The following ATL2 variants were observed in gnomAD, a reference collection of about 807,000 sequenced individuals.
The protein encoded by ATL2 is atlastin GTPase 2.
In ATL2, 31 loss-of-function variants were observed where a neutral mutation model predicts 73.9. The observed-to-expected ratio is 0.42, with a 90% confidence interval of 0.32 to 0.57. The LOEUF (loss-of-function observed/expected upper bound fraction) is 0.57. Among genes scored for constraint, ATL2 ranks in the 20% least tolerant of loss-of-function variants. The pLI, the probability that ATL2 is intolerant of heterozygous loss-of-function variation, is 0.14. For missense variants in ATL2, 738 were observed against 702.6 expected, an observed-to-expected ratio of 1.05 and a Z score of -0.57; for synonymous variants, 291 against 237.5, an observed-to-expected ratio of 1.23 and a Z score of -2.07.
chr2:38,371,486 G>T (rs1671685814), intron 1 of ATL2, among the ~76,000 whole-genome samples: 1 of 151,978 alleles, frequency 6.6e-6, no homozygotes, highest in African/African-American at 2.4e-5. Context: ...TGGCAACAGG[G>T]CAAGACCTCG....
intron 9 of ATL2, among the ~76,000 whole-genome samples, chr2:38,304,868 A>G (rs911615593): frequency 6.6e-6 from 1 of 152,218 alleles, no homozygotes; most frequent in Non-Finnish European, 1.5e-5. Context: ...GGCAGGTAGG[A>G]AGACCACAAA....
chr2:38,351,490 T>C (rs199778227), intron 1 of ATL2, among the ~76,000 whole-genome samples: 1 of 147,654 alleles, frequency 6.8e-6, no homozygotes, highest in Non-Finnish European at 1.5e-5. Context: ...TACATATATA[T>C]ATTTAATTTT....
intron 1 of ATL2, among the ~76,000 whole-genome samples, chr2:38,363,586 A>T (rs543256249): frequency 6.6e-6 from 1 of 152,376 alleles, no homozygotes; most frequent in South Asian, 2.1e-4. Flanking sequence ...ATATTTGCCC[A>T]TCTTTGGCAA....
chr2:38,339,968 G>A (rs562599087), intron 2 of ATL2, among the ~76,000 whole-genome samples: 2 of 152,290 alleles, frequency 1.3e-5, no homozygotes, highest in South Asian at 4.1e-4. Flanking sequence ...TGGGATTACA[G>A]GCGTGAGCCC....
intron 2 of ATL2, among the ~76,000 whole-genome samples, chr2:38,331,305 G>A (rs529549901): frequency 5.9e-5 from 9 of 151,794 alleles, no homozygotes; most frequent in Non-Finnish European, 7.4e-5. Flanking sequence ...GCATGGTGGC[G>A]CACACCTGTA....
chr2:38,376,338 C>CAGTA, intron 1 of ATL2: 1 of 1,025,900 alleles, frequency 9.7e-7, no homozygotes, highest in Admixed American at 3.1e-5. Flanking sequence ...GGTACACGTA[C>CAGTA]AGTAGGAGCT....
At chr2:38,374,150 G>A (rs562298767) in intron 1 of ATL2, among the ~76,000 whole-genome samples, 4 of 152,136 alleles carry the variant, frequency 2.6e-5, no homozygotes, top group South Asian at 4.1e-4. Context: ...CTCGGCCTCC[G>A]AAAAGTGCTG....
chr2:38,351,359 A>C (rs1670325579), intron 1 of ATL2, among the ~76,000 whole-genome samples: 1 of 152,196 alleles, frequency 6.6e-6, no homozygotes, highest in East Asian at 1.9e-4. Context: ...CACTAATTTT[A>C]TTCTGGTGGC....
intron 9 of ATL2, among the ~76,000 whole-genome samples, chr2:38,305,136 T>G (rs539458493): frequency 6.6e-6 from 1 of 152,224 alleles, no homozygotes; most frequent in South Asian, 2.1e-4. Flanking sequence ...CATTATATAA[T>G]GATAAAGGGA....
At chr2:38,328,422 G>C (rs1331669311) in intron 2 of ATL2, among the ~76,000 whole-genome samples, 1 of 152,114 alleles carries the variant, frequency 6.6e-6, no homozygotes, top group African/African-American at 2.4e-5. Context: ...ACCATATCCT[G>C]AGCCTTAAAA....
intron 9 of ATL2, among the ~76,000 whole-genome samples, chr2:38,306,992 G>A (rs1488249892): frequency 6.6e-6 from 1 of 152,128 alleles, no homozygotes; most frequent in East Asian, 1.9e-4. Context: ...CCCATCTCTA[G>A]CCATATACAA....
chr2:38,377,321 C>A (rs938314781), upstream of ATL2: 11 of 1,430,142 alleles, frequency 7.7e-6, no homozygotes, highest in Non-Finnish European at 9.3e-6. Flanking sequence ...CTTTATCAAC[C>A]TCCCGGGAGC....
chr2:38,376,227 G>C (rs1325008131), intron 1 of ATL2: 37 of 1,476,450 alleles, frequency 2.5e-5, no homozygotes, highest in Admixed American at 7.3e-5. Context: ...ACCACAGTGA[G>C]AGATCAAACG....
At chr2:38,371,638 C>T (rs889015013) in intron 1 of ATL2, among the ~76,000 whole-genome samples, 1 of 152,026 alleles carries the variant, frequency 6.6e-6, no homozygotes, top group African/African-American at 2.4e-5. Flanking sequence ...TGGCTCATGT[C>T]TGTAATCTCA....
At chr2:38,367,772 ACAGGCGCTTGCCACCATG>A (rs1476521304) in intron 1 of ATL2, among the ~76,000 whole-genome samples, 2 of 150,088 alleles carry the variant, frequency 1.3e-5, no homozygotes, top group African/African-American at 4.9e-5. Context: ...AGCTGGGATT[ACAGGCGCTTGCCACCATG>A]CCCAGCTAAT....
chr2:38,370,488 C>T (rs1489454078), intron 1 of ATL2, among the ~76,000 whole-genome samples: 1 of 146,574 alleles, frequency 6.8e-6, no homozygotes, highest in Admixed American at 6.9e-5. Context: ...AAAAATCAAC[C>T]CAGCCAGCAC....
intron 2 of ATL2, among the ~76,000 whole-genome samples, chr2:38,326,162 T>C (rs1668650851): frequency 6.6e-6 from 1 of 152,130 alleles, no homozygotes; most frequent in Non-Finnish European, 1.5e-5. Context: ...TCAACAATGC[T>C]CCAATATAAT....
At chr2:38,346,344 G>C (rs549037226) in intron 1 of ATL2, among the ~76,000 whole-genome samples, 2 of 152,154 alleles carry the variant, frequency 1.3e-5, no homozygotes, top group East Asian at 3.9e-4. Flanking sequence ...AAATAATATA[G>C]TTACATGTAA....
intron 1 of ATL2, among the ~76,000 whole-genome samples, chr2:38,363,069 TAA>T (rs1293352089): frequency 6.6e-6 from 1 of 152,240 alleles, no homozygotes; most frequent in Non-Finnish European, 1.5e-5. Context: ...ATTATCTCTT[TAA>T]ACCTCAAAAT....
Sources: allele counts gnomAD v4.1 joint callset (sites outside exome capture counted in the v4.1 genomes callset), GRCh38; gene constraint gnomAD v4.1.1; transcripts MANE v1.5; gene names NCBI Gene and HGNC (gene_info 2026-07-23, HGNC 2026-07-21).